CCNY: variants seen among roughly 807,000 people sequenced by gnomAD.
CCNY encodes the protein cyclin-Y.
Under a neutral mutation model 42.8 loss-of-function variants are expected in CCNY, and 19 were observed. The ratio of observed to expected loss-of-function variants is 0.44; its 90% confidence interval spans 0.31 to 0.65. CCNY has a LOEUF of 0.65. Among genes scored for constraint, CCNY ranks in the 30% least tolerant of loss-of-function variants. CCNY has a pLI of 0.07. For missense variants in CCNY, 370 were observed against 437.3 expected (o/e 0.85, Z 1.37); for synonymous variants, 165 against 162.7 (o/e 1.01, Z -0.11).
chr10:35,514,185 A>T (rs1453767629), intron 3 of CCNY, among the ~76,000 whole-genome samples: 1 of 152,090 alleles, frequency 6.6e-6, no homozygotes, highest in Non-Finnish European at 1.5e-5. Flanking sequence ...AGATCAAGAG[A>T]AGTTCACATT....
intron 1 of CCNY, among the ~76,000 whole-genome samples, chr10:35,382,302 C>A (rs149499525): frequency 2.0e-5 from 3 of 152,326 alleles, no homozygotes; most frequent in African/African-American, 7.2e-5. Context: ...AGCTTCAGGC[C>A]TGTCTGCAGT....
At chr10:35,518,164 CACAG>C (rs2135409995) in intron 4 of CCNY, among the ~76,000 whole-genome samples, 1 of 152,358 alleles carries the variant, frequency 6.6e-6, no homozygotes, top group Admixed American at 6.5e-5. Context: ...CTGGCTGTGA[CACAG>C]ACACTTAGGA....
At chr10:35,310,406 G>A (rs556710019) in intron 3 of CCNY, among the ~76,000 whole-genome samples, 9 of 152,214 alleles carry the variant, frequency 5.9e-5, no homozygotes, top group Non-Finnish European at 8.8e-5. Context: ...TTTGATATGC[G>A]TCTTTCTTTT....
Position 35,538,355 on chromosome 10 carries a change from A to G in CCNY, c.579+8112A>G, listed in dbSNP as rs117366059. Reference sequence around the variant, plus strand: ...TCTAGAAGTGGAATTGCTGGGTCATATGGTAACTCTGTTTTGAGGAACAGC... The same window carrying G: ...TCTAGAAGTGGAATTGCTGGGTCATGTGGTAACTCTGTTTTGAGGAACAGC... On this transcript the variant is annotated intron_variant, in intron 7 of 9. Transcript: ENST00000374704. Among the ~76,000 whole-genome samples, 13 of 152,356 alleles carry G rather than the reference A, an allele frequency of 8.5e-5. No individual in the cohort carries two copies. The East Asian group carries it at 1.9e-3, about 23-fold the overall frequency.
chr10:35,434,658 T>C (rs1429948482), intron 1 of CCNY, among the ~76,000 whole-genome samples: 2 of 152,228 alleles, frequency 1.3e-5, no homozygotes, highest in Admixed American at 1.3e-4. Context: ...TTAGGAAGTA[T>C]CACTCTTTAT....
intron 1 of CCNY, among the ~76,000 whole-genome samples, chr10:35,339,128 AGTTTAAACCCC>A (rs1836118364): frequency 6.6e-6 from 1 of 152,210 alleles, no homozygotes; most frequent in Non-Finnish European, 1.5e-5. Flanking sequence ...TGATTATGCT[AGTTTAAACCCC>A]GAAATATTAA....
At chr10:35,467,732 A>G (rs899820071) in intron 1 of CCNY, among the ~76,000 whole-genome samples, 1 of 152,224 alleles carries the variant, frequency 6.6e-6, no homozygotes, top group Non-Finnish European at 1.5e-5. Flanking sequence ...GACTTGAGAA[A>G]TGTGTCTGAT....
chr10:35,369,856 G>T (rs1836890275), intron 1 of CCNY, among the ~76,000 whole-genome samples: 1 of 152,152 alleles, frequency 6.6e-6, no homozygotes, highest in Non-Finnish European at 1.5e-5. Context: ...AAGTGTATTT[G>T]AATGAAGACT....
At position 35,256,744 on chromosome 10, in the gene CCNY, T is replaced by TA. The variant is rs199594072; in HGVS notation, c.-9+6136dup. 5.7e-3 allele frequency among the ~76,000 whole-genome samples: 618 copies of TA among 107,614 alleles called. 1 individual carries two copies. The highest frequency in any genetic ancestry group is 0.014 in the Middle Eastern group (3 of 222). 70.6% of individuals were successfully genotyped at this position (107,614 alleles called of 152,430 possible). ...AGACTCTGTCTCAAAAATAAAACAT[T>TA]AAAAAAAAAAAAAAAAAATTCCACT... is the stretch of plus-strand genomic sequence containing the variant. On this transcript the variant is annotated intron_variant, in intron 3 of 11. Coordinates refer to the CCNY transcript ENST00000374706.
At chr10:35,431,824 A>AG (rs900771807) in intron 1 of CCNY, among the ~76,000 whole-genome samples, 2 of 152,062 alleles carry the variant, frequency 1.3e-5, no homozygotes, top group African/African-American at 4.8e-5. Context: ...TTGGTTACTT[A>AG]GCCTCCTAGT....
intron 1 of CCNY, among the ~76,000 whole-genome samples, chr10:35,338,337 A>G (rs1229812006): frequency 6.6e-6 from 1 of 152,244 alleles, no homozygotes; most frequent in Non-Finnish European, 1.5e-5. Context: ...TCTTTTTAGG[A>G]GAGCATCTTT....
intron 1 of CCNY, among the ~76,000 whole-genome samples, chr10:35,452,706 A>G (rs1479493950): frequency 6.6e-6 from 1 of 151,228 alleles, no homozygotes; most frequent in Non-Finnish European, 1.5e-5. Context: ...GAAAGGTTAT[A>G]TCATTCTCTT....
At chr10:35,516,661 C>CTTCCTTTTTTTTTTTTTTTTTTT (rs1166900318) in intron 4 of CCNY, 38 bp downstream of exon 4, 1 of 277,516 alleles carries the variant, frequency 3.6e-6, no homozygotes, top group African/African-American at 5.1e-5. Flanking sequence ...TCCTTCCTTC[C>CTTCCTTTTTTTTTTTTTTTTTTT]TTTTTTTTTT....
At chr10:35,531,088 C>T (rs1840754921) in intron 7 of CCNY, among the ~76,000 whole-genome samples, 1 of 152,202 alleles carries the variant, frequency 6.6e-6, no homozygotes, top group African/African-American at 2.4e-5. Context: ...AGTATTCTTA[C>T]TTGGATTCTT....
chr10:35,423,334 G>C (rs1335862170), intron 1 of CCNY, among the ~76,000 whole-genome samples: 1 of 152,034 alleles, frequency 6.6e-6, no homozygotes, highest in Non-Finnish European at 1.5e-5. Context: ...AATCAGCTGG[G>C]CATGGTGACG....
chr10:35,492,894 G>A (rs1295164406), intron 2 of CCNY, among the ~76,000 whole-genome samples: 1 of 152,142 alleles, frequency 6.6e-6, no homozygotes. Context: ...CTCAGGTGGT[G>A]TATTTGGGCT....
At chr10:35,557,368 C>CA (rs1841381244) in intron 8 of CCNY, among the ~76,000 whole-genome samples, 1 of 152,212 alleles carries the variant, frequency 6.6e-6, no homozygotes, top group East Asian at 1.9e-4. Context: ...ACATTTAAGT[C>CA]AAAATTGCAG....
chr10:35,371,450 C>G (rs906031149), intron 1 of CCNY, among the ~76,000 whole-genome samples: 1 of 152,226 alleles, frequency 6.6e-6, no homozygotes, highest in African/African-American at 2.4e-5. Flanking sequence ...TCCATCCACA[C>G]TCCTTTGAAC....
At chr10:35,254,830 CAA>C (rs748535872) in intron 3 of CCNY, among the ~76,000 whole-genome samples, 12 of 38,070 alleles carry the variant, frequency 3.2e-4, no homozygotes, top group East Asian at 7.3e-4. Context: ...GACCCTGTCT[CAA>C]AAAAAAAAAA....
Sources: allele counts gnomAD v4.1 joint callset (sites outside exome capture counted in the v4.1 genomes callset), GRCh38; gene constraint gnomAD v4.1.1; transcripts MANE v1.5; gene names NCBI Gene and HGNC (gene_info 2026-07-23, HGNC 2026-07-21).